EPHA3: variants seen among roughly 807,000 people sequenced by gnomAD.
EPHA3 encodes EPH receptor A3.
Under a neutral mutation model 107.1 loss-of-function variants are expected in EPHA3, and 42 were observed. The observed-to-expected ratio is 0.39, with a 90% CI of 0.31 to 0.51. The LOEUF is 0.51. Among genes scored for constraint, EPHA3 ranks in the 20% least tolerant of loss-of-function variants. The pLI is 0.78. For missense variants in EPHA3, 1,183 were observed against 1,211.2 expected, an observed-to-expected ratio of 0.98 and a Z score of 0.35; for synonymous variants, 461 against 424.8, an observed-to-expected ratio of 1.09 and a Z score of -1.05.
At chr3:89,197,767 G>A (rs1705871765) in intron 2 of EPHA3, among the ~76,000 whole-genome samples, 1 of 152,098 alleles carries the variant, frequency 6.6e-6, no homozygotes, top group Non-Finnish European at 1.5e-5. Flanking sequence ...CTTGAGGTCA[G>A]GAATTCGAGA....
At chr3:89,404,513 T>C (rs1421997099) in intron 7 of EPHA3, among the ~76,000 whole-genome samples, 4 of 152,094 alleles carry the variant, frequency 2.6e-5, no homozygotes, top group Non-Finnish European at 4.4e-5. Flanking sequence ...TGGAAATGAA[T>C]AGAAACAGAG....
At chr3:89,239,028 G>A (rs1171821408) in intron 3 of EPHA3, among the ~76,000 whole-genome samples, 1 of 152,034 alleles carries the variant, frequency 6.6e-6, no homozygotes, top group East Asian at 1.9e-4. Flanking sequence ...CTTAAATTTG[G>A]CCACATTCCC....
At chr3:89,171,406 A>G (rs1197729462) in intron 2 of EPHA3, among the ~76,000 whole-genome samples, 1 of 152,164 alleles carries the variant, frequency 6.6e-6, no homozygotes, top group African/African-American at 2.4e-5. Flanking sequence ...AGTTGGAAGC[A>G]ATTAATTTTG....
chr3:89,120,517 C>G (rs1338650093), intron 1 of EPHA3, among the ~76,000 whole-genome samples: 1 of 152,030 alleles, frequency 6.6e-6, no homozygotes, highest in African/African-American at 2.4e-5. Flanking sequence ...CCTGTTTGTT[C>G]CATAATAGTT....
intron 2 of EPHA3, among the ~76,000 whole-genome samples, chr3:89,160,820 G>A (rs2107070140): frequency 6.6e-6 from 1 of 152,100 alleles, no homozygotes. Context: ...AGTTGCTACT[G>A]TCTCAAACCT....
intron 5 of EPHA3, among the ~76,000 whole-genome samples, chr3:89,375,695 G>T (rs766600699): frequency 6.6e-6 from 1 of 151,912 alleles, no homozygotes; most frequent in Non-Finnish European, 1.5e-5. Flanking sequence ...GAAGCCCTCA[G>T]TCATACAGAT....
At chr3:89,152,813 T>C (rs1231951475) in intron 2 of EPHA3, among the ~76,000 whole-genome samples, 1 of 152,088 alleles carries the variant, frequency 6.6e-6, no homozygotes, top group Non-Finnish European at 1.5e-5. Flanking sequence ...AGGCATTATA[T>C]GTGGTGAGGA....
At chr3:89,173,862 C>A in intron 2 of EPHA3, among the ~76,000 whole-genome samples, 1 of 151,930 alleles carries the variant, frequency 6.6e-6, no homozygotes, top group Admixed American at 6.6e-5. Flanking sequence ...ATGATCCCTT[C>A]AACATTGGCT....
At chr3:89,246,998 T>C (rs1430462324) in intron 3 of EPHA3, among the ~76,000 whole-genome samples, 1 of 152,152 alleles carries the variant, frequency 6.6e-6, no homozygotes, top group Admixed American at 6.5e-5. Context: ...GCCTGTGGTC[T>C]TTACTGACTC....
At chr3:89,190,824 C>T (rs1481717700) in intron 2 of EPHA3, among the ~76,000 whole-genome samples, 1 of 152,166 alleles carries the variant, frequency 6.6e-6, no homozygotes, top group East Asian at 1.9e-4. Flanking sequence ...TGTCTTCCCT[C>T]AATATATGTC....
intron 3 of EPHA3, among the ~76,000 whole-genome samples, chr3:89,263,664 C>T (rs1280799371): frequency 6.6e-6 from 1 of 152,064 alleles, no homozygotes; most frequent in Non-Finnish European, 1.5e-5. Context: ...CCATAGTCCC[C>T]AATGTCCAGT....
intron 2 of EPHA3, among the ~76,000 whole-genome samples, chr3:89,128,988 T>G (rs540514033): frequency 3.9e-5 from 6 of 152,236 alleles, no homozygotes; most frequent in African/African-American, 1.4e-4. Flanking sequence ...CTGGGTAAAG[T>G]GTGGCACAGG....
At chr3:89,314,069 T>C (rs1483566653) in intron 3 of EPHA3, among the ~76,000 whole-genome samples, 1 of 151,976 alleles carries the variant, frequency 6.6e-6, no homozygotes, top group Non-Finnish European at 1.5e-5. Context: ...CATCTCAACA[T>C]GCCCTTGTCC....
intron 3 of EPHA3, among the ~76,000 whole-genome samples, chr3:89,323,420 C>A (rs1480134749): frequency 6.6e-6 from 1 of 152,098 alleles, no homozygotes; most frequent in Non-Finnish European, 1.5e-5. Flanking sequence ...GCATTCTGAA[C>A]CTGGGCTCTT....
At chr3:89,383,492 A>C (rs1490476078) in intron 5 of EPHA3, among the ~76,000 whole-genome samples, 3 of 152,150 alleles carry the variant, frequency 2.0e-5, no homozygotes, top group Non-Finnish European at 4.4e-5. Flanking sequence ...TCCTGCAAGC[A>C]TCCACCTGCC....
intron 5 of EPHA3, among the ~76,000 whole-genome samples, chr3:89,376,265 G>A (rs566958198): frequency 2.6e-5 from 4 of 151,412 alleles, no homozygotes; most frequent in Admixed American, 6.6e-5. Flanking sequence ...AGATTACTTC[G>A]GGAATTAAAT....
chr3:89,221,217 G>A (rs1704366187), intron 3 of EPHA3, among the ~76,000 whole-genome samples: 1 of 152,140 alleles, frequency 6.6e-6, no homozygotes, highest in South Asian at 2.1e-4. Context: ...TGCTTCTCAG[G>A]ATGTTATTCA....
chr3:89,371,813 A>C (rs1337748504), intron 5 of EPHA3, among the ~76,000 whole-genome samples: 1 of 151,652 alleles, frequency 6.6e-6, no homozygotes, highest in South Asian at 2.1e-4. Flanking sequence ...AATTTATTAT[A>C]TGGAAATCTT....
intron 1 of EPHA3, among the ~76,000 whole-genome samples, chr3:89,119,798 C>G (rs991527977): frequency 2.6e-5 from 4 of 152,042 alleles, no homozygotes; most frequent in African/African-American, 9.7e-5. Flanking sequence ...CCAAAATGTC[C>G]AGAGGATGTT....
Sources: gnomAD v4.1 joint callset for allele counts (sites outside exome capture counted in the v4.1 genomes callset) on GRCh38, gnomAD v4.1.1 for gene constraint, MANE v1.5 for transcripts, NCBI Gene and HGNC (gene_info 2026-07-23, HGNC 2026-07-21) for gene names.